INTS7: variants seen among roughly 807,000 people sequenced by gnomAD.
The protein encoded by INTS7 is integrator complex subunit 7, also known as chromosome 1 open reading frame 73.
INTS7 carries 46 observed loss-of-function variants against 109.2 expected under a neutral mutation model. That is an observed-to-expected ratio of 0.42 (90% confidence interval 0.33 to 0.54). INTS7 has a LOEUF of 0.54. INTS7 is among the 20% of genes least tolerant of loss of function. The pLI is 0.07. For missense variants in INTS7, 929 were observed against 1,132.4 expected, an observed-to-expected ratio of 0.82 and a Z score of 2.58; for synonymous variants, 412 against 402.9, an observed-to-expected ratio of 1.02 and a Z score of -0.27.
chr1:211,974,308 T>A (rs189173453), intron 13 of INTS7, among the ~76,000 whole-genome samples: 8,373 of 143,692 alleles, frequency 0.058, 317 homozygotes, highest in South Asian at 0.079. Flanking sequence ...TATATATATA[T>A]AAAATACTTC....
Position 211,946,939 on chromosome 1 carries a change from T to G in INTS7, c.2317-234A>C, listed in dbSNP as rs770250100. The stretch of plus-strand genomic sequence containing the variant: ...AATATAAGTGACAGAAATGAGAAAA[T>G]CCACAGTCCTCGAGGCCAAGCAATA... On this transcript the variant is annotated intron_variant, in intron 17 of 19. Coordinates refer to ENST00000366994, the MANE Select transcript of INTS7 (RefSeq NM_015434.4). This position sits in a 1 kb window ranked among gnomAD's most constrained non-coding sequence, Gnocchi z 4.3. Among the ~76,000 whole-genome samples the G allele has an allele frequency of 1.3e-5, 2 of 151,594 alleles. No homozygotes were observed.
At chr1:211,969,551 CTT>C (rs36104773) in intron 13 of INTS7, among the ~76,000 whole-genome samples, 2,874 of 84,976 alleles carry the variant, frequency 0.034, 60 homozygotes, top group African/African-American at 0.11. Flanking sequence ...TTTTTCTTTT[CTT>C]TTTTTTTTTT....
At chr1:212,012,268 G>T (rs112973363) in intron 4 of INTS7, among the ~76,000 whole-genome samples, 2 of 152,138 alleles carry the variant, frequency 1.3e-5, no homozygotes, top group African/African-American at 4.8e-5. Context: ...AGGAGATTGG[G>T]GGGGGAGGGG....
intron 7 of INTS7, among the ~76,000 whole-genome samples, chr1:211,997,217 C>A (rs933401224): frequency 6.6e-6 from 1 of 151,714 alleles, no homozygotes; most frequent in Non-Finnish European, 1.5e-5. Context: ...AACAAAAATA[C>A]CACTGATGAG....
chr1:212,031,151 T>A (rs1412621987), intron 1 of INTS7, among the ~76,000 whole-genome samples: 1 of 152,180 alleles, frequency 6.6e-6, no homozygotes. Context: ...CTCTTCCCCA[T>A]TGCTTTCATC....
intron 1 of INTS7, among the ~76,000 whole-genome samples, chr1:212,024,025 G>C (rs1219488998): frequency 6.6e-6 from 1 of 152,170 alleles, no homozygotes; most frequent in Non-Finnish European, 1.5e-5. Context: ...ATGGCTGCAG[G>C]TGTGCAGCTT....
chr1:212,013,818 A>G (rs1396312527), intron 4 of INTS7, among the ~76,000 whole-genome samples: 1 of 152,220 alleles, frequency 6.6e-6, no homozygotes, highest in African/African-American at 2.4e-5. Context: ...GCAACAGGCT[A>G]TACCATATAA....
At chr1:211,953,118 A>G (rs570901905) in intron 16 of INTS7, among the ~76,000 whole-genome samples, 1 of 152,252 alleles carries the variant, frequency 6.6e-6, no homozygotes, top group African/African-American at 2.4e-5. Context: ...ATGTCACAGA[A>G]GAAGAGAGTC....
intron 16 of INTS7, among the ~76,000 whole-genome samples, chr1:211,953,614 T>A (rs1000037510): frequency 6.9e-6 from 1 of 145,484 alleles, no homozygotes; most frequent in Non-Finnish European, 1.5e-5. Context: ...TGTGTTCTCA[T>A]TGTTCAACTC....
At chr1:211,976,492 T>C in intron 12 of INTS7, 90 bp downstream of exon 12, 1 of 1,184,954 alleles carries the variant, frequency 8.4e-7, no homozygotes, top group Non-Finnish European at 1.2e-6. Context: ...TCTTTATTTT[T>C]AGTTTTGACT....
chr1:211,999,519 A>G (rs759542853), intron 7 of INTS7, among the ~76,000 whole-genome samples: 5 of 152,150 alleles, frequency 3.3e-5, no homozygotes, highest in Non-Finnish European at 7.4e-5. Flanking sequence ...CTGTATCTCA[A>G]TTGTGGTGGT....
chr1:211,959,921 C>T lies in INTS7; in HGVS notation c.2183+6509G>A, dbSNP rs548249066. Among the ~76,000 whole-genome samples, 36 of 152,214 alleles carry T rather than the reference C, an allele frequency of 2.4e-4. No individual in the cohort carries two copies. Among genetic ancestry groups the T allele is most frequent in the Non-Finnish European group, 4.6e-4 (31 of 68,044 alleles). On this transcript the variant is annotated intron_variant, in intron 16 of 19. Coordinates refer to ENST00000366994, the MANE Select transcript of INTS7 (RefSeq NM_015434.4). The surrounding 1 kb of genome is among the most constrained non-coding windows in gnomAD (Gnocchi z 4.2). ...TGAAGGCCCACACAAAGGCCGGCAT[C>T]CCAGACCTGCTAGTATCCTGCCGCG...
intron 12 of INTS7, among the ~76,000 whole-genome samples, chr1:211,976,041 T>TA (rs1321701910): frequency 1.3e-5 from 2 of 152,106 alleles, no homozygotes; most frequent in Non-Finnish European, 2.9e-5. Context: ...CTCAAGAGAT[T>TA]TGTCCGCCTT....
At position 211,963,117 on chromosome 1, in the gene INTS7, G is replaced by A. The variant is rs1013699915; in HGVS notation, c.2183+3313C>T. Among the ~76,000 whole-genome samples, 8 of 152,038 alleles carry A rather than the reference G, an allele frequency of 5.3e-5. No individual in the cohort carries two copies. The East Asian group carries it at 1.2e-3, about 22-fold the overall frequency. On this transcript the variant is annotated intron_variant, in intron 16 of 19. Coordinates refer to ENST00000366994, the MANE Select transcript of INTS7 (RefSeq NM_015434.4). ...AAAAATTAGTATCTATTTGATAGAC[G>A]GCTGGCTAGACTAATAAAGAGAGAA...
At chr1:212,025,853 C>T (rs182944199) in intron 1 of INTS7, among the ~76,000 whole-genome samples, 34 of 151,628 alleles carry the variant, frequency 2.2e-4, no homozygotes, top group African/African-American at 8.2e-4. Context: ...TTTGATTATT[C>T]TTAAAAAAAA....
chr1:211,988,014 GA>G lies in INTS7; in HGVS notation c.880-12del. On this transcript the variant is annotated splice_polypyrimidine_tract_variant and intron_variant, in intron 7 of 19. Coordinates refer to ENST00000366994, the MANE Select transcript of INTS7 (RefSeq NM_015434.4). ...ACACTCACAAAGTGCCTGGAATGCA[GA>G]AGAGAAATGAATATAGAAGTTAAAA... The G allele has an allele frequency of 7.7e-7, 1 of 1,304,594 alleles. No homozygotes were observed. The highest frequency in any genetic ancestry group is 1.1e-6 in the Non-Finnish European group (1 of 904,136). The allele number at this position is 1,304,594 out of a possible 1,614,324, so 80.8% of individuals were successfully genotyped here.
intron 4 of INTS7, among the ~76,000 whole-genome samples, chr1:212,014,733 CG>C (rs1359139339): frequency 1.3e-5 from 2 of 151,950 alleles, no homozygotes; most frequent in Non-Finnish European, 2.9e-5. Flanking sequence ...TTGGTGGAGA[CG>C]GGGTTTCGCC....
chr1:212,035,536 G>C lies in INTS7; in HGVS notation c.-99C>G. 1.0e-6 allele frequency: 1 copy of C among 992,072 alleles called. No individual in the cohort carries two copies. The highest frequency in any genetic ancestry group is 1.6e-6 in the Non-Finnish European group (1 of 631,066). The allele number at this position is 992,072 out of a possible 1,614,324, so 61.5% of individuals were successfully genotyped here. A position where few individuals can be genotyped will look rare whatever the true frequency, so the allele number is the denominator to read the frequency against. On this transcript the variant is annotated 5_prime_UTR_variant, in exon 1 of 20. Coordinates refer to ENST00000366994, the MANE Select transcript of INTS7 (RefSeq NM_015434.4). ...CCGCCTTCTTGCTGGTTTTTCTTCC[G>C]CGCGCTGTCAAGCCCTGTTACGCAT... is the stretch of plus-strand genomic sequence containing the variant.
rs1390524488 is a variant in INTS7, at chr1:211,959,189, T to C, written c.2184-6488A>G. Reference sequence around the variant, plus strand: ...GCCCAAAGGGTTTGGTGTGTGAGCATCTGTAGTGGAATACGGCCAGGGGCA... The same window carrying C: ...GCCCAAAGGGTTTGGTGTGTGAGCACCTGTAGTGGAATACGGCCAGGGGCA... On this transcript the variant is annotated intron_variant, in intron 16 of 19. Transcript: ENST00000366994. This position sits in a 1 kb window ranked among gnomAD's most constrained non-coding sequence, Gnocchi z 4.2. 6.6e-6 allele frequency among the ~76,000 whole-genome samples: 1 copy of C among 152,124 alleles called. No homozygotes were observed. Among genetic ancestry groups the C allele is most frequent in the Non-Finnish European group, 1.5e-5 (1 of 68,030 alleles).
Sources: allele counts gnomAD v4.1 joint callset (sites outside exome capture counted in the v4.1 genomes callset), GRCh38; gene constraint gnomAD v4.1.1; non-coding constraint Gnocchi (gnomAD v3.1); transcripts MANE v1.5; gene names NCBI Gene and HGNC (gene_info 2026-07-23, HGNC 2026-07-21).